The following CUX1 variants were observed in gnomAD, a reference collection of about 807,000 sequenced individuals.
The protein encoded by CUX1 is protein CASP.
CUX1 carries 31 observed loss-of-function variants against 158.8 expected under a neutral mutation model. That is an observed-to-expected ratio of 0.20 (90% CI 0.15 to 0.26). The LOEUF (loss-of-function observed/expected upper bound fraction) is 0.26, where lower values mean the gene tolerates loss of function less well. Ranked by LOEUF, CUX1 falls within the 10% of genes least tolerant of loss-of-function variation. The pLI, the probability that CUX1 is intolerant of heterozygous loss-of-function variation, is 1.00. For synonymous variants in CUX1, 879 were observed against 862.1 expected, an observed-to-expected ratio of 1.02 and a Z score of -0.34; for missense variants, 1,589 against 2,014.6, an observed-to-expected ratio of 0.79 and a Z score of 4.04.
At chr7:102,101,744 T>C (rs1829795364) in intron 5 of CUX1, among the ~76,000 whole-genome samples, 1 of 152,024 alleles carries the variant, frequency 6.6e-6, no homozygotes, top group Admixed American at 6.6e-5. Context: ...ACCCCGTCTC[T>C]ACTTAAAAAA....
intron 15 of CUX1, 112 bp downstream of exon 15, chr7:102,197,417 A>T: frequency 7.7e-7 from 1 of 1,293,342 alleles, no homozygotes; most frequent in Non-Finnish European, 1.1e-6. Context: ...TGTGCATCAC[A>T]TCAGGTAAAG....
chr7:102,273,256 C>A (rs551139085), intron 14 of CUX1: 2 of 1,430,312 alleles, frequency 1.4e-6, no homozygotes, highest in South Asian at 2.6e-5. Flanking sequence ...ACTCTCACAG[C>A]ATCCAGGCAG....
chr7:102,270,230 C>T (rs576720867), intron 14 of CUX1, among the ~76,000 whole-genome samples: 295 of 152,376 alleles, frequency 1.9e-3, no homozygotes, highest in African/African-American at 6.7e-3. Context: ...GTTCCAGCCT[C>T]CAGCAGAGAA....
intron 4 of CUX1, among the ~76,000 whole-genome samples, chr7:102,087,329 C>A (rs1238598139): frequency 6.6e-6 from 1 of 152,054 alleles, no homozygotes; most frequent in Non-Finnish European, 1.5e-5. Flanking sequence ...ACCTGTAATC[C>A]CAGCACTTTG....
intron 1 of CUX1, among the ~76,000 whole-genome samples, chr7:101,826,813 C>T (rs1793355897): frequency 6.6e-6 from 1 of 152,250 alleles, no homozygotes; most frequent in Admixed American, 6.5e-5. Context: ...GCTTGGGTTC[C>T]CTCCCTCTGC....
At chr7:102,135,571 TTGTGTG>T (rs111724094) in intron 8 of CUX1, among the ~76,000 whole-genome samples, 1 of 149,240 alleles carries the variant, frequency 6.7e-6, no homozygotes, top group East Asian at 2.0e-4. Flanking sequence ...GTGTGTGTGT[TTGTGTG>T]TGTGTGTGTG....
intron 2 of CUX1, among the ~76,000 whole-genome samples, chr7:102,010,221 C>T (rs1817835724): frequency 6.6e-6 from 1 of 151,882 alleles, no homozygotes; most frequent in Non-Finnish European, 1.5e-5. Flanking sequence ...TGGTGAAACC[C>T]CGTCTCTACT....
intron 2 of CUX1, among the ~76,000 whole-genome samples, chr7:102,017,582 C>T (rs13233554): frequency 3.3e-5 from 5 of 151,982 alleles, no homozygotes. Context: ...TGCGGTGGCT[C>T]ACGCCTGTAA....
intron 11 of CUX1, among the ~76,000 whole-genome samples, chr7:102,189,372 G>A (rs1385457726): frequency 1.8e-4 from 24 of 135,146 alleles, no homozygotes; most frequent in African/African-American, 6.3e-4. Context: ...GTGCGGGGGG[G>A]GATGCTTTTT....
At chr7:102,043,786 A>G (rs1232583016) in intron 3 of CUX1, among the ~76,000 whole-genome samples, 3 of 152,180 alleles carry the variant, frequency 2.0e-5, no homozygotes, top group Non-Finnish European at 4.4e-5. Context: ...ACTGTTTCCC[A>G]TAATGGCTGT....
At chr7:102,273,734 G>A (rs138836475) in intron 15 of CUX1, among the ~76,000 whole-genome samples, 20 of 152,334 alleles carry the variant, frequency 1.3e-4, no homozygotes, top group Non-Finnish European at 1.9e-4. Flanking sequence ...ACAGAGGCCC[G>A]TCTTTCCAGG....
chr7:101,943,997 G>A (rs951654264), intron 2 of CUX1, among the ~76,000 whole-genome samples: 10 of 149,578 alleles, frequency 6.7e-5, no homozygotes, highest in Non-Finnish European at 1.3e-4. Flanking sequence ...AACTTGAGCC[G>A]CACACAGGTT....
chr7:102,023,172 G>A (rs1042993948), intron 2 of CUX1, among the ~76,000 whole-genome samples: 5 of 152,010 alleles, frequency 3.3e-5, no homozygotes, highest in Non-Finnish European at 7.4e-5. Context: ...CCGAGGTCAC[G>A]TCACTGCACT....
chr7:101,943,120 T>G (rs1293125811), intron 2 of CUX1, among the ~76,000 whole-genome samples: 2 of 149,316 alleles, frequency 1.3e-5, no homozygotes, highest in East Asian at 2.0e-4. Context: ...TCTTTTTCTG[T>G]TTTTGAGATG....
chr7:101,946,544 CAAAAAAAA>C (rs386410843), intron 2 of CUX1, among the ~76,000 whole-genome samples: 2 of 78,194 alleles, frequency 2.6e-5, no homozygotes, highest in African/African-American at 1.1e-4. Context: ...GACTCCGTCT[CAAAAAAAA>C]AAAAAAAAAA....
intron 8 of CUX1, among the ~76,000 whole-genome samples, chr7:102,140,781 C>T (rs533838756): frequency 6.6e-6 from 1 of 151,622 alleles, no homozygotes; most frequent in South Asian, 2.1e-4. Context: ...AGGAGAATCT[C>T]TTGAACCCAG....
chr7:102,258,956 G>T (rs1291971952), downstream of CUX1, among the ~76,000 whole-genome samples: 1 of 152,178 alleles, frequency 6.6e-6, no homozygotes, highest in African/African-American at 2.4e-5. Flanking sequence ...TCTCCGCGCA[G>T]TTGTGACTCA....
At chr7:101,938,303 C>G (rs2129132731) in intron 2 of CUX1, among the ~76,000 whole-genome samples, 1 of 152,100 alleles carries the variant, frequency 6.6e-6, no homozygotes, top group East Asian at 1.9e-4. Context: ...CAGGGTCTCG[C>G]TATGTTGCCC....
chr7:101,852,149 CTCTG>C, intron 1 of CUX1, among the ~76,000 whole-genome samples: 1 of 152,074 alleles, frequency 6.6e-6, no homozygotes, highest in Admixed American at 6.6e-5. Flanking sequence ...ACTTTCATGC[CTCTG>C]TCTTTTTTGA....
Sources: allele counts gnomAD v4.1 joint callset (sites outside exome capture counted in the v4.1 genomes callset), GRCh38; gene constraint gnomAD v4.1.1; transcripts MANE v1.5; gene names NCBI Gene and HGNC (gene_info 2026-07-23, HGNC 2026-07-21).